SIRPG: variants seen among roughly 807,000 people sequenced by gnomAD.
SIRPG encodes the protein signal regulatory protein gamma, also known as signal-regulatory protein gamma.
Under a neutral mutation model 35.7 loss-of-function variants are expected in SIRPG, and 38 were observed. The ratio of observed to expected loss-of-function variants is 1.06; its 90% confidence interval spans 0.82 to 1.40. The LOEUF (loss-of-function observed/expected upper bound fraction) is 1.40, where lower values mean the gene tolerates loss of function less well. Among genes scored for constraint, SIRPG ranks in the 40% most tolerant of loss-of-function variants. SIRPG has a pLI of 0.00. For synonymous variants in SIRPG, 215 were observed against 190.4 expected (o/e 1.13, Z -1.06); for missense variants, 519 against 483.0 (o/e 1.07, Z -0.70).
At chr20:1,630,134 G>C (rs1049548567) in intron 5 of SIRPG, 88 bp downstream of exon 5, 10 of 1,022,622 alleles carry the variant, frequency 9.8e-6, no homozygotes, top group South Asian at 4.1e-5. Flanking sequence ...CACGGACCCT[G>C]GTGCTGCATG....
the SIRPG span, among the ~76,000 whole-genome samples, chr20:1,665,959 A>G: frequency 6.6e-6 from 1 of 152,146 alleles, no homozygotes; most frequent in South Asian, 2.1e-4. Flanking sequence ...AGAAGAAGGC[A>G]TTGTTCTCCT....
the SIRPG span, among the ~76,000 whole-genome samples, chr20:1,664,896 A>G: frequency 6.7e-6 from 1 of 149,026 alleles, no homozygotes; most frequent in African/African-American, 2.5e-5. Flanking sequence ...AGAGTTGCCT[A>G]TCTGGGGCTT....
At chr20:1,685,471 A>T in the SIRPG span, among the ~76,000 whole-genome samples, 259 of 152,192 alleles carry the variant, frequency 1.7e-3, 2 homozygotes, top group African/African-American at 5.8e-3. Context: ...TAAGACACAG[A>T]GCAGAGACGG....
the SIRPG span, among the ~76,000 whole-genome samples, chr20:1,683,951 A>G: frequency 4.1e-5 from 6 of 146,310 alleles, no homozygotes; most frequent in Admixed American, 3.6e-4. Context: ...CCTGGACAAC[A>G]AGGGTGAAAC....
At chr20:1,652,565 AT>A (rs2091947471) in intron 1 of SIRPG, among the ~76,000 whole-genome samples, 1 of 152,214 alleles carries the variant, frequency 6.6e-6, no homozygotes. Context: ...GACAAACAAT[AT>A]GGTATTCTAC....
In SIRPG at chr20:1,635,283, G is replaced by A. The variant is rs147969759; in HGVS notation, c.1065C>T (p.Ser355=). The A allele has an allele frequency of 6.2e-7, 1 of 1,611,650 alleles. No individual in the cohort carries two copies. Among genetic ancestry groups the A allele is most frequent in the Non-Finnish European group, 8.5e-7 (1 of 1,177,964 alleles). The change falls in exon 4 of 6, where the codon AGC becomes AGT. Residue 355 remains serine, a synonymous_variant. Coordinates refer to ENST00000303415, the MANE Select transcript of SIRPG (RefSeq NM_018556.4). ...TAACCTCACCAGGGGTAGCATCTGA[G>A]CTCTGGTCCTTCTGGTGGACTGTGA... is the stretch of plus-strand genomic sequence containing the variant. ...LEVTVHQKDQ[S]SDATPGPASS...
At chr20:1,640,258 T>A (rs2122481816) in intron 2 of SIRPG, among the ~76,000 whole-genome samples, 1 of 152,296 alleles carries the variant, frequency 6.6e-6, no homozygotes, top group African/African-American at 2.4e-5. Context: ...GTTTTTCCAT[T>A]TTTTTGTGTC....
At position 1,636,504 on chromosome 20, in the gene SIRPG, G is replaced by C; in HGVS notation, c.432C>G (p.Ala144=). ...SGPGTEMALG[A]KPSAPVVLGP... is the part of the protein sequence containing the mutation. ...CCAATACCACGGGGGCAGAGGGTTT[G>C]GCTACAAAAGGGGCATCGATAAACA... The change falls in exon 3 of 6, where the codon GCC becomes GCG. Residue 144 remains alanine, a splice_region_variant and synonymous_variant. Coordinates refer to ENST00000303415, the MANE Select transcript of SIRPG (RefSeq NM_018556.4). 4 of 1,614,092 alleles carry C rather than the reference G, an allele frequency of 2.5e-6. No homozygotes were observed. The highest frequency in any genetic ancestry group is 3.4e-6 in the Non-Finnish European group (4 of 1,179,916).
intron 1 of SIRPG, among the ~76,000 whole-genome samples, chr20:1,653,884 T>C (rs765846444): frequency 6.6e-6 from 1 of 152,206 alleles, no homozygotes; most frequent in Non-Finnish European, 1.5e-5. Flanking sequence ...AATGCAAGGA[T>C]GGTATAACAT....
chr20:1,643,339 C>A (rs1405198737), intron 2 of SIRPG, among the ~76,000 whole-genome samples: 1 of 152,020 alleles, frequency 6.6e-6, no homozygotes, highest in African/African-American at 2.4e-5. Flanking sequence ...CTCTGATATC[C>A]TTTCTTCTGT....
At chr20:1,638,989 A>T (rs1251478468) in intron 2 of SIRPG, among the ~76,000 whole-genome samples, 1 of 152,098 alleles carries the variant, frequency 6.6e-6, no homozygotes, top group Non-Finnish European at 1.5e-5. Context: ...CATGGTGTAT[A>T]TGTACCACCT....
chr20:1,681,294 G>A, the SIRPG span, among the ~76,000 whole-genome samples: 13 of 152,306 alleles, frequency 8.5e-5, no homozygotes, highest in African/African-American at 3.1e-4. Context: ...AGGGCCAGAA[G>A]TATTTGGGAA....
the SIRPG span, among the ~76,000 whole-genome samples, chr20:1,677,888 G>A: frequency 1.3e-5 from 2 of 152,242 alleles, no homozygotes; most frequent in Non-Finnish European, 2.9e-5. Flanking sequence ...ATATTGTATT[G>A]AATTTAGTAT....
the SIRPG span, among the ~76,000 whole-genome samples, chr20:1,684,781 C>T: frequency 6.6e-6 from 1 of 152,186 alleles, no homozygotes; most frequent in Non-Finnish European, 1.5e-5. Flanking sequence ...AATGGACAAG[C>T]TCCTCCCTCT....
chr20:1,633,993 A>G (rs1004699958), intron 4 of SIRPG, among the ~76,000 whole-genome samples: 1 of 152,330 alleles, frequency 6.6e-6, no homozygotes, highest in Admixed American at 6.5e-5. Flanking sequence ...GGTCTTCAAC[A>G]ACATCCCCCA....
At position 1,649,383 on chromosome 20, in the gene SIRPG, C is replaced by A. The variant is rs576810342; in HGVS notation, c.99G>T (p.Gln33His). ...LTEVAGEEEL[Q>H]MIQPEKLLLV... is the part of the protein sequence containing the mutation. The stretch of plus-strand genomic sequence containing the variant: ...ACAGGAGCTTCTCAGGCTGAATCAT[C>A]TGTAGCTCCTCCTCACCTGCCACTT... Residue 33 changes from glutamine (Q) to histidine (H), a missense_variant, in exon 2 of 6, where the codon CAG (glutamine) becomes CAT (histidine). Physicochemically the swap from Gln to His is conservative, Grantham distance 24. Transcript: ENST00000303415. The A allele has an allele frequency of 1.2e-6, 2 of 1,608,808 alleles. No homozygotes were observed. The highest frequency in any genetic ancestry group is 2.2e-5 in the East Asian group (1 of 44,748).
At chr20:1,657,806 C>A, upstream of SIRPG, 1 of 1,203,038 alleles carries the variant, frequency 8.3e-7, no homozygotes, top group Non-Finnish European at 1.2e-6. Context: ...CCCTGCCTCC[C>A]TCAATTCAAG....
At chr20:1,670,601 T>A in the SIRPG span, among the ~76,000 whole-genome samples, 6 of 152,040 alleles carry the variant, frequency 3.9e-5, no homozygotes, top group East Asian at 1.2e-3. Context: ...TTGCTCTTGG[T>A]GAAATAAATG....
intron 4 of SIRPG, among the ~76,000 whole-genome samples, chr20:1,632,877 G>A (rs2091762700): frequency 6.6e-6 from 1 of 151,732 alleles, no homozygotes; most frequent in African/African-American, 2.4e-5. Flanking sequence ...AAGCAAGCAG[G>A]AGACAGGAAT....
Sources: allele counts gnomAD v4.1 joint callset (sites outside exome capture counted in the v4.1 genomes callset), GRCh38; gene constraint gnomAD v4.1.1; transcripts MANE v1.5; gene names NCBI Gene and HGNC (gene_info 2026-07-23, HGNC 2026-07-21).